The following DAPK2 variants were observed in gnomAD, a reference collection of about 807,000 sequenced individuals.
DAPK2 encodes death associated protein kinase 2.
A neutral mutation model predicts 44.1 loss-of-function variants in DAPK2; 35 were observed. The ratio of observed to expected loss-of-function variants is 0.79; its 90% CI spans 0.61 to 1.05. The LOEUF (loss-of-function observed/expected upper bound fraction) is 1.05. Ranked by LOEUF, DAPK2 falls within the 50% of genes least tolerant of loss-of-function variation. DAPK2 has a pLI of 0.00. For synonymous variants in DAPK2, 174 were observed against 182.6 expected, an observed-to-expected ratio of 0.95 and a Z score of 0.38; for missense variants, 453 against 483.2, an observed-to-expected ratio of 0.94 and a Z score of 0.59.
At position 63,912,544 on chromosome 15, in the gene DAPK2, G is replaced by T. The variant is rs1404343600; in HGVS notation, c.859-347C>A. The stretch of plus-strand genomic sequence containing the variant: ...TACAGCAGTCTGGGATGCCCTCTGG[G>T]CACTGGGGTGATTCTGGGCTTGGCA... On this transcript the variant is annotated intron_variant, in intron 8 of 10. Coordinates refer to ENST00000261891, the Ensembl canonical transcript of DAPK2. This position sits in a 1 kb window ranked among gnomAD's most constrained non-coding sequence, Gnocchi z 4.4. Among the ~76,000 whole-genome samples, 1 of 152,234 alleles carries T rather than the reference G, an allele frequency of 6.6e-6. No homozygotes were observed. The highest frequency in any genetic ancestry group is 1.9e-4 in the East Asian group (1 of 5,208).
intron 3 of DAPK2, among the ~76,000 whole-genome samples, chr15:63,940,281 A>G (rs537471984): frequency 6.6e-6 from 1 of 152,278 alleles, no homozygotes; most frequent in South Asian, 2.1e-4. Context: ...TCACAGCAGC[A>G]TATTCCCAAT....
chr15:64,033,716 G>T (rs2080095088), intron 1 of DAPK2, among the ~76,000 whole-genome samples: 1 of 152,024 alleles, frequency 6.6e-6, no homozygotes, highest in African/African-American at 2.4e-5. Flanking sequence ...AGACCATCCT[G>T]GCTAACACGG....
At chr15:64,042,857 A>T (rs973490590), upstream of DAPK2, among the ~76,000 whole-genome samples, 1 of 152,168 alleles carries the variant, frequency 6.6e-6, no homozygotes, top group Non-Finnish European at 1.5e-5. The surrounding 1 kb of genome is among the most constrained non-coding windows in gnomAD (Gnocchi z 4.7). Context: ...GACCCAGCCA[A>T]ATGCTACCGT....
chr15:63,964,590 G>A (rs2077999897), intron 3 of DAPK2, among the ~76,000 whole-genome samples: 2 of 151,662 alleles, frequency 1.3e-5, no homozygotes, highest in Non-Finnish European at 2.9e-5. Context: ...TCTTAAATTT[G>A]CCTTTTTGAG....
intron 10 of DAPK2, 44 bp downstream of exon 11, chr15:63,911,864 C>A (rs755072572): frequency 6.3e-7 from 1 of 1,596,554 alleles, no homozygotes; most frequent in South Asian, 1.1e-5. Context: ...GAGCTCCAGG[C>A]TACCCCAGAA....
chr15:63,978,239 C>T (rs1414556517), intron 2 of DAPK2, among the ~76,000 whole-genome samples: 1 of 152,212 alleles, frequency 6.6e-6, no homozygotes, highest in Non-Finnish European at 1.5e-5. Context: ...GCAGTGCCCC[C>T]TCTGAAACAC....
intron 1 of DAPK2, among the ~76,000 whole-genome samples, chr15:64,018,466 G>A (rs374186321): frequency 6.6e-6 from 1 of 152,270 alleles, no homozygotes. Flanking sequence ...TCACCCACAG[G>A]CCTGGATGCC....
intron 2 of DAPK2, among the ~76,000 whole-genome samples, chr15:63,971,882 G>A (rs1387115975): frequency 1.3e-5 from 2 of 152,306 alleles, no homozygotes; most frequent in East Asian, 3.9e-4. Context: ...AGATGGCAGG[G>A]GACAAAAACA....
intron 1 of DAPK2, among the ~76,000 whole-genome samples, chr15:64,016,890 AGGAAGGAAGGAC>A (rs1330549837): frequency 2.9e-4 from 36 of 122,274 alleles, no homozygotes; most frequent in African/African-American, 6.0e-4. Context: ...GAAGGAAGGA[AGGAAGGAAGGAC>A]GGACATGTAA....
chr15:63,914,970 AAG>A (rs1185812018), intron 8 of DAPK2, among the ~76,000 whole-genome samples: 2 of 152,130 alleles, frequency 1.3e-5, no homozygotes, highest in Non-Finnish European at 2.9e-5. Context: ...AGTATCCTTG[AAG>A]GGTTGGTTCT....
upstream of DAPK2, among the ~76,000 whole-genome samples, chr15:64,041,351 C>T (rs2080349725): frequency 6.6e-6 from 1 of 152,204 alleles, no homozygotes; most frequent in South Asian, 2.1e-4. Flanking sequence ...CTGCCCCAGG[C>T]ATCTCACTGA....
chr15:64,044,833 G>A (rs965457877), upstream of DAPK2, among the ~76,000 whole-genome samples: 1 of 152,136 alleles, frequency 6.6e-6, no homozygotes, highest in Non-Finnish European at 1.5e-5. Flanking sequence ...ACAGCAAGAG[G>A]GCAGGCAATG....
At chr15:63,921,782 G>T (rs2079079234) in intron 8 of DAPK2, 1 of 152,250 alleles carries the variant, frequency 6.6e-6, no homozygotes, top group African/African-American at 2.4e-5. Flanking sequence ...TTAGCCAGAA[G>T]AGGAGAAAGG....
chr15:63,981,745 G>C (rs2078521524), intron 2 of DAPK2, among the ~76,000 whole-genome samples: 1 of 151,932 alleles, frequency 6.6e-6, no homozygotes. Context: ...CTGGGAATCA[G>C]GATGCCGACT....
chr15:63,995,399 T>C (rs770265422), intron 1 of DAPK2, among the ~76,000 whole-genome samples: 6 of 152,238 alleles, frequency 3.9e-5, no homozygotes, highest in Non-Finnish European at 8.8e-5. Flanking sequence ...AGATTTTCCC[T>C]AACTGATTTT....
At chr15:63,971,999 G>A in intron 2 of DAPK2, among the ~76,000 whole-genome samples, 1 of 152,238 alleles carries the variant, frequency 6.6e-6, no homozygotes, top group East Asian at 1.9e-4. Flanking sequence ...AAGTAATTAA[G>A]TCATGAAGTT....
At chr15:63,936,800 T>C (rs969661875) in intron 4 of DAPK2, among the ~76,000 whole-genome samples, 1 of 151,428 alleles carries the variant, frequency 6.6e-6, no homozygotes, top group Non-Finnish European at 1.5e-5. Context: ...GGCAATATAG[T>C]GAGACCCCAC....
chr15:64,014,506 T>C lies in DAPK2; in HGVS notation c.92+25664A>G, dbSNP rs180775306. On this transcript the variant is annotated intron_variant, in intron 1 of 10. Transcript: ENST00000261891. ...AAGACCAAACACTTTCCTATGCCAGTTGAGCAGCCAAGGAGGCACTGACAG... is the reference window on the plus strand; with the variant it reads ...AAGACCAAACACTTTCCTATGCCAGCTGAGCAGCCAAGGAGGCACTGACAG... 1.4e-3 allele frequency among the ~76,000 whole-genome samples: 206 copies of C among 152,342 alleles called. 1 individual carries two copies. Among genetic ancestry groups the C allele is most frequent in the African/African-American group, 4.6e-3 (193 of 41,580 alleles).
chr15:63,953,543 C>CA (rs2077645979), intron 3 of DAPK2, among the ~76,000 whole-genome samples: 1 of 152,132 alleles, frequency 6.6e-6, no homozygotes, highest in Non-Finnish European at 1.5e-5. Context: ...TTGGTGGCTT[C>CA]CAATTCTTGG....
Sources: gnomAD v4.1 joint callset for allele counts (sites outside exome capture counted in the v4.1 genomes callset) on GRCh38, gnomAD v4.1.1 for gene constraint, Gnocchi (gnomAD v3.1) non-coding constraint, MANE v1.5 for transcripts, NCBI Gene and HGNC (gene_info 2026-07-23, HGNC 2026-07-21) for gene names.